GLI3: variants seen among roughly 807,000 people sequenced by gnomAD.
GLI3 encodes transcription activator GLI3.
In GLI3, 20 loss-of-function variants were observed where a neutral mutation model predicts 100.8. The observed-to-expected ratio is 0.20, with a 90% CI of 0.14 to 0.29. The LOEUF is 0.29. Among genes scored for constraint, GLI3 ranks in the 10% least tolerant of loss-of-function variants. GLI3 has a pLI of 1.00. For missense variants in GLI3, 2,040 were observed against 2,128.5 expected, an observed-to-expected ratio of 0.96 and a Z score of 0.82; for synonymous variants, 938 against 860.5, an observed-to-expected ratio of 1.09 and a Z score of -1.58.
chr7:41,992,272 TAGAG>T (rs1489904088), intron 10 of GLI3, among the ~76,000 whole-genome samples: 2 of 152,074 alleles, frequency 1.3e-5, no homozygotes. Context: ...GGTGATGAAT[TAGAG>T]AGAGGAGTAA....
chr7:42,255,076 G>C (rs4487650), intron 1 of GLI3, among the ~76,000 whole-genome samples: 106,272 of 147,416 alleles, frequency 0.72, 40,048 homozygotes, highest in Middle Eastern at 0.83. Context: ...TTCTGTTTCT[G>C]TTTTTTTTTT....
chr7:42,038,870 A>G (rs1784073636), intron 7 of GLI3, among the ~76,000 whole-genome samples: 1 of 152,130 alleles, frequency 6.6e-6, no homozygotes, highest in African/African-American at 2.4e-5. Context: ...TTTTTTCTGA[A>G]CTGATGAAGT....
rs1554306081 is a variant in GLI3, at chr7:41,972,512, C to T, written c.1928G>A (p.Arg643Gln). 3.7e-6 allele frequency: 6 copies of T among 1,613,352 alleles called. No individual in the cohort carries two copies. Among genetic ancestry groups the T allele is most frequent in the South Asian group, 3.3e-5 (3 of 91,058 alleles). ...GPEAHVTKKQ[R>Q]GDIHPRPPPP... ...TGGCGGCCGAGGATGGATGTCCCCT[C>T]GCTGCTTCTTGGTGACATGAGCCTC... Residue 643 changes from arginine to glutamine, a missense_variant, in exon 13 of 15, where the codon CGA (arginine) becomes CAA (glutamine). Arg to Gln is a conservative substitution (Grantham distance 43). Around this residue, in one of 5 missense-constraint regions of GLI3, gnomAD observed 61 missense variants for 150.9 expected, o/e 0.40. Transcript: ENST00000395925. The surrounding 1 kb of genome is among the most constrained non-coding windows in gnomAD (Gnocchi z 4.4).
intron 3 of GLI3, among the ~76,000 whole-genome samples, chr7:42,139,673 C>T (rs1446282799): frequency 6.6e-6 from 1 of 152,158 alleles, no homozygotes; most frequent in African/African-American, 2.4e-5. Context: ...GAGCGAAACT[C>T]CATCTCAAAA....
At chr7:42,025,500 A>T (rs1789086767) in intron 8 of GLI3, 123 bp from the exon 9 acceptor site, 1 of 730,876 alleles carries the variant, frequency 1.4e-6, no homozygotes. Context: ...AATGACTCTG[A>T]TAATTCTCCA....
chr7:42,191,842 T>C (rs1251555866), intron 2 of GLI3, among the ~76,000 whole-genome samples: 1 of 152,062 alleles, frequency 6.6e-6, no homozygotes, highest in African/African-American at 2.4e-5. Context: ...GAAGTCTCAC[T>C]GGTAGCCACA....
chr7:42,107,217 G>A (rs1419689068), intron 3 of GLI3, among the ~76,000 whole-genome samples: 1 of 152,074 alleles, frequency 6.6e-6, no homozygotes, highest in East Asian at 1.9e-4. Flanking sequence ...TGTAGTCCCA[G>A]CTACTCAGGA....
At chr7:42,013,448 A>G (rs1465470106) in intron 10 of GLI3, among the ~76,000 whole-genome samples, 1 of 151,892 alleles carries the variant, frequency 6.6e-6, no homozygotes, top group Non-Finnish European at 1.5e-5. Flanking sequence ...GCTGGAGTAC[A>G]GTGGTGCAAT....
At chr7:42,183,232 A>T (rs989785799) in intron 2 of GLI3, among the ~76,000 whole-genome samples, 6 of 151,076 alleles carry the variant, frequency 4.0e-5, no homozygotes, top group East Asian at 1.9e-4. Flanking sequence ...TCAAAAAATT[A>T]AAAAAAAATC....
intron 2 of GLI3, among the ~76,000 whole-genome samples, chr7:42,171,696 T>C (rs569719131): frequency 1.3e-5 from 2 of 152,310 alleles, no homozygotes; most frequent in East Asian, 1.9e-4. Context: ...GTTTATACAG[T>C]TCTTAAAGCT....
intron 3 of GLI3, among the ~76,000 whole-genome samples, chr7:42,090,870 G>T (rs1356016785): frequency 1.3e-5 from 2 of 152,238 alleles, no homozygotes; most frequent in Non-Finnish European, 2.9e-5. Flanking sequence ...GACAATCTAA[G>T]GAAGTAGGTA....
intron 10 of GLI3, among the ~76,000 whole-genome samples, chr7:42,006,724 G>A (rs948714908): frequency 1.6e-4 from 24 of 152,112 alleles, no homozygotes; most frequent in African/African-American, 5.6e-4. Flanking sequence ...AAGTGACCCA[G>A]CCAGGTAGAG....
At chr7:42,246,187 G>A (rs1788969761) in intron 1 of GLI3, among the ~76,000 whole-genome samples, 1 of 152,170 alleles carries the variant, frequency 6.6e-6, no homozygotes, top group African/African-American at 2.4e-5. Flanking sequence ...ACGATAACAT[G>A]CTGCTGTGGA....
intron 4 of GLI3, among the ~76,000 whole-genome samples, chr7:42,049,855 G>A (rs1175571127): frequency 6.6e-6 from 1 of 152,198 alleles, no homozygotes; most frequent in African/African-American, 2.4e-5. Flanking sequence ...CCATAGGAAG[G>A]GGAGGCCCTG....
At chr7:42,105,704 C>A (rs1785558352) in intron 3 of GLI3, among the ~76,000 whole-genome samples, 1 of 152,144 alleles carries the variant, frequency 6.6e-6, no homozygotes, top group Non-Finnish European at 1.5e-5. Context: ...AGGTGTGAAT[C>A]CTCCCACTTA....
chr7:42,050,750 G>A (rs1167123211), intron 4 of GLI3, among the ~76,000 whole-genome samples: 2 of 152,208 alleles, frequency 1.3e-5, no homozygotes, highest in Non-Finnish European at 2.9e-5. Flanking sequence ...AAACATCAGG[G>A]TGGGCAGTGA....
At chr7:42,210,697 G>A (rs1028647135) in intron 2 of GLI3, among the ~76,000 whole-genome samples, 1 of 151,672 alleles carries the variant, frequency 6.6e-6, no homozygotes, top group Admixed American at 6.6e-5. Context: ...TTCAAGAAAA[G>A]GGGAGTGACA....
rs1789107122 is a variant in GLI3 at position 42,026,189 on chromosome 7, T to C, written c.1242+10A>G. On this transcript the variant is annotated intron_variant, in intron 8 of 14. Transcript: ENST00000395925. ...CAGCACGGCCGGGTGCATCGACCTGTCCCTCTCACCTGTGAGGACTCAGAA... is the reference window on the plus strand; with the variant it reads ...CAGCACGGCCGGGTGCATCGACCTGCCCCTCTCACCTGTGAGGACTCAGAA... 2 of 1,602,824 alleles carry C rather than the reference T, an allele frequency of 1.2e-6. No homozygotes were observed. The highest frequency in any genetic ancestry group is 4.5e-5 in the East Asian group (2 of 44,672).
chr7:42,087,774 T>C (rs1330493118), intron 3 of GLI3, among the ~76,000 whole-genome samples: 1 of 152,094 alleles, frequency 6.6e-6, no homozygotes, highest in African/African-American at 2.4e-5. Context: ...ATGCTATTAT[T>C]GTTACGCTTT....
Sources: gnomAD v4.1 joint callset for allele counts (sites outside exome capture counted in the v4.1 genomes callset) on GRCh38, gnomAD v4.1.1 for gene constraint, gnomAD v4.1.1 regional missense constraint, Gnocchi (gnomAD v3.1) non-coding constraint, MANE v1.5 for transcripts, NCBI Gene and HGNC (gene_info 2026-07-23, HGNC 2026-07-21) for gene names.